Variants in ZMAT4 observed in about 807,000 individuals in gnomAD.
ZMAT4 encodes zinc finger matrin-type 4, also known as zinc finger matrin-type protein 4.
A neutral mutation model predicts 28.7 loss-of-function variants in ZMAT4; 17 were observed. The observed-to-expected ratio is 0.59, with a 90% CI of 0.41 to 0.89. The LOEUF is 0.89. ZMAT4 is among the 40% of genes least tolerant of loss of function. ZMAT4 has a pLI of 0.00. For missense variants in ZMAT4, 240 were observed against 283.8 expected, an observed-to-expected ratio of 0.85 and a Z score of 1.11; for synonymous variants, 117 against 109.2, an observed-to-expected ratio of 1.07 and a Z score of -0.44.
intron 1 of ZMAT4, among the ~76,000 whole-genome samples, chr8:40,842,563 C>T (rs1346439352): frequency 1.3e-5 from 2 of 152,188 alleles, no homozygotes; most frequent in African/African-American, 4.8e-5. Flanking sequence ...TGCCTGCCTG[C>T]ACTCTTCCAC....
chr8:40,854,321 A>T (rs1037646744), intron 1 of ZMAT4, among the ~76,000 whole-genome samples: 6 of 152,224 alleles, frequency 3.9e-5, no homozygotes, highest in African/African-American at 1.4e-4. Context: ...TTGAGCACTG[A>T]CTTTATGTAG....
At chr8:40,861,138 G>C (rs899248050) in intron 1 of ZMAT4, among the ~76,000 whole-genome samples, 3 of 152,218 alleles carry the variant, frequency 2.0e-5, no homozygotes, top group African/African-American at 7.2e-5. Context: ...CTGAAACTCT[G>C]CTAGGGCCAG....
At chr8:40,664,186 G>T (rs1808310689) in intron 5 of ZMAT4, among the ~76,000 whole-genome samples, 1 of 152,138 alleles carries the variant, frequency 6.6e-6, no homozygotes, top group African/African-American at 2.4e-5. Context: ...ACCTTCAAGT[G>T]TAATAGAAAG....
intron 5 of ZMAT4, among the ~76,000 whole-genome samples, chr8:40,670,259 C>T (rs2599672): frequency 0.52 from 79,749 of 151,928 alleles, 21,220 homozygotes; most frequent in Middle Eastern, 0.63. Flanking sequence ...AGATGTTCAA[C>T]AAAGGTCATT....
intron 2 of ZMAT4, among the ~76,000 whole-genome samples, chr8:40,809,797 A>G (rs1034919389): frequency 6.6e-6 from 1 of 152,168 alleles, no homozygotes; most frequent in Non-Finnish European, 1.5e-5. Flanking sequence ...TAATCCTAGC[A>G]CCTTGAGAGG....
intron 6 of ZMAT4, among the ~76,000 whole-genome samples, chr8:40,562,519 C>G (rs549707189): frequency 1.3e-5 from 2 of 152,132 alleles, no homozygotes; most frequent in Non-Finnish European, 2.9e-5. Context: ...AACCCCTTCC[C>G]CTATGCATAG....
intron 5 of ZMAT4, among the ~76,000 whole-genome samples, chr8:40,647,554 C>G (rs1264535676): frequency 6.6e-6 from 1 of 152,158 alleles, no homozygotes; most frequent in Admixed American, 6.5e-5. Flanking sequence ...CTGGGAAGCT[C>G]GAACTGGGTG....
rs114810877 is a variant in ZMAT4 at position 40,616,982 on chromosome 8, C to T, written c.578-35721G>A. ...GCCAGAGTGAAGAAGGACACATAAT[C>T]ATTCTCACTCATGAAGAAATAATTG... On this transcript the variant is annotated intron_variant, in intron 5 of 6. Transcript: ENST00000297737. 3.8e-3 allele frequency among the ~76,000 whole-genome samples: 571 copies of T among 151,128 alleles called. 2 individuals are homozygous for T. The highest frequency in any genetic ancestry group is 0.013 in the African/African-American group (547 of 41,230).
intron 4 of ZMAT4, among the ~76,000 whole-genome samples, chr8:40,688,214 T>A (rs1380384840): frequency 6.6e-6 from 1 of 152,070 alleles, no homozygotes; most frequent in Non-Finnish European, 1.5e-5. Flanking sequence ...TCCCAGCACT[T>A]TGAGAGGCCC....
intron 5 of ZMAT4, among the ~76,000 whole-genome samples, chr8:40,650,146 T>C (rs1232532611): frequency 6.6e-6 from 1 of 152,146 alleles, no homozygotes; most frequent in Admixed American, 6.5e-5. Flanking sequence ...AGCTGGTTTT[T>C]TGAAGGGATC....
intron 3 of ZMAT4, among the ~76,000 whole-genome samples, chr8:40,745,965 A>G (rs1812199209): frequency 6.6e-6 from 1 of 152,078 alleles, no homozygotes; most frequent in Non-Finnish European, 1.5e-5. Context: ...CCCTGACACA[A>G]CACACTCCTA....
chr8:40,669,470 T>G (rs994629120), intron 5 of ZMAT4, among the ~76,000 whole-genome samples: 1 of 151,774 alleles, frequency 6.6e-6, no homozygotes, highest in African/African-American at 2.4e-5. Flanking sequence ...CTTCCACCTT[T>G]TCCACCGCTT....
At chr8:40,809,216 A>G (rs1815218023) in intron 2 of ZMAT4, among the ~76,000 whole-genome samples, 1 of 152,202 alleles carries the variant, frequency 6.6e-6, no homozygotes, top group South Asian at 2.1e-4. Context: ...AAAACCAAAT[A>G]CTTCATGTTT....
chr8:40,757,045 T>C (rs1478715089), intron 3 of ZMAT4, among the ~76,000 whole-genome samples: 1 of 152,098 alleles, frequency 6.6e-6, no homozygotes, highest in African/African-American at 2.4e-5. Context: ...CACTTCAGTG[T>C]TGCGTTTGGA....
chr8:40,554,050 G>GTCATA (rs929061401), intron 6 of ZMAT4, among the ~76,000 whole-genome samples: 6 of 152,090 alleles, frequency 3.9e-5, no homozygotes, highest in East Asian at 1.9e-4. Context: ...GTCTTGTCAT[G>GTCATA]TCATATCATA....
intron 2 of ZMAT4, among the ~76,000 whole-genome samples, chr8:40,775,015 T>C (rs1197638456): frequency 6.6e-6 from 1 of 152,188 alleles, no homozygotes; most frequent in African/African-American, 2.4e-5. Context: ...CAAGAGATTT[T>C]CTCAAGGTCC....
Position 40,536,183 on chromosome 8 carries a change from T to C in ZMAT4, c.675-3945A>G, listed in dbSNP as rs575565532. 1.1e-4 allele frequency among the ~76,000 whole-genome samples: 16 copies of C among 152,336 alleles called. No homozygotes were observed. The East Asian group carries it at 2.7e-3, about 26-fold the overall frequency. ...ATTTCTATTCTTGTATTTCCTAACT[T>C]GGCCAATAAATATTCAAGACAAAAG... On this transcript the variant is annotated intron_variant, in intron 6 of 6. Coordinates refer to ENST00000297737, the MANE Select transcript of ZMAT4 (RefSeq NM_024645.3).
intron 1 of ZMAT4, among the ~76,000 whole-genome samples, chr8:40,853,021 G>A (rs554937137): frequency 2.0e-5 from 3 of 152,060 alleles, no homozygotes; most frequent in South Asian, 4.2e-4. Flanking sequence ...TTAAGAAAAC[G>A]CCTCCCAAAT....
In ZMAT4 at chr8:40,768,583, C is replaced by A. The variant is rs139973397; in HGVS notation, c.103-853G>T. On this transcript the variant is annotated intron_variant, in intron 2 of 6. Coordinates refer to ENST00000297737, the MANE Select transcript of ZMAT4 (RefSeq NM_024645.3). ...CACATTCAGAATCTGGGTTCCAGCT[C>A]TACCACTTCCTAGCTGTGTGATATT... 3.8e-4 allele frequency among the ~76,000 whole-genome samples: 58 copies of A among 152,282 alleles called. No individual in the cohort carries two copies. The East Asian group carries it at 0.01, about 27-fold the overall frequency.
Sources: gnomAD v4.1 joint callset for allele counts (sites outside exome capture counted in the v4.1 genomes callset) on GRCh38, gnomAD v4.1.1 for gene constraint, MANE v1.5 for transcripts, NCBI Gene and HGNC (gene_info 2026-07-23, HGNC 2026-07-21) for gene names.